ATXN7L1: variants seen among roughly 807,000 people sequenced by gnomAD.
ATXN7L1 encodes ataxin-7-like protein 1.
Under a neutral mutation model 70.8 loss-of-function variants are expected in ATXN7L1, and 15 were observed. The observed-to-expected ratio is 0.21, with a 90% CI of 0.14 to 0.33. The LOEUF (loss-of-function observed/expected upper bound fraction) is 0.33. Ranked by LOEUF, ATXN7L1 falls within the 10% of genes least tolerant of loss-of-function variation. The pLI is 1.00. For synonymous variants in ATXN7L1, 440 were observed against 445.1 expected, an observed-to-expected ratio of 0.99 and a Z score of 0.14; for missense variants, 975 against 1,097.1, an observed-to-expected ratio of 0.89 and a Z score of 1.57.
chr7:105,614,767 T>C lies in ATXN7L1; in HGVS notation c.1567A>G (p.Ile523Val), dbSNP rs1185901891. Residue 523 changes from isoleucine (I) to valine (V), a missense_variant, in exon 10 of 12, where the codon ATC becomes GTC. Ile to Val is a conservative substitution (Grantham distance 29). Transcript: ENST00000419735. This position sits in a 1 kb window ranked among gnomAD's most constrained non-coding sequence, Gnocchi z 4.3. Reference sequence around the variant, plus strand: ...ACGGATGCTGGAACGGGGGTGGTGATGTGGGCTGCTGGCGAGGGCAGGGGG... The same window carrying C: ...ACGGATGCTGGAACGGGGGTGGTGACGTGGGCTGCTGGCGAGGGCAGGGGG... ...DSPLPSPAAH[I>V]TTPVPASVLQ... The C allele has an allele frequency of 1.9e-6, 3 of 1,551,516 alleles. No individual in the cohort carries two copies. In the East Asian group the frequency reaches 7.3e-5, roughly 38 times the overall value.
At chr7:105,721,784 C>T (rs1795213862) in intron 3 of ATXN7L1, among the ~76,000 whole-genome samples, 1 of 152,236 alleles carries the variant, frequency 6.6e-6, no homozygotes, top group African/African-American at 2.4e-5. Flanking sequence ...CTCTGCTTTC[C>T]CTGCTGCCAG....
At chr7:105,615,927 A>G (rs1706896) in intron 9 of ATXN7L1, among the ~76,000 whole-genome samples, 60,846 of 151,948 alleles carry the variant, frequency 0.4, 13,034 homozygotes, top group East Asian at 0.56. Flanking sequence ...TCCTCCTTCC[A>G]TCCTACAGCC....
chr7:105,742,539 G>C (rs1389172730), intron 3 of ATXN7L1, among the ~76,000 whole-genome samples: 1 of 152,168 alleles, frequency 6.6e-6, no homozygotes, highest in East Asian at 1.9e-4. Context: ...GACACACAGA[G>C]GTAGAGCAAC....
intron 3 of ATXN7L1, among the ~76,000 whole-genome samples, chr7:105,786,241 C>G (rs537554870): frequency 6.6e-6 from 1 of 152,308 alleles, no homozygotes; most frequent in South Asian, 2.1e-4. Context: ...CCCAAACCCC[C>G]AAACTAATTT....
Position 105,784,958 on chromosome 7 carries a change from T to C in ATXN7L1, c.355+3646A>G, listed in dbSNP as rs1804080587. 2.0e-5 allele frequency among the ~76,000 whole-genome samples: 3 copies of C among 152,282 alleles called. No homozygotes were observed. In the South Asian group the frequency reaches 6.2e-4, roughly 32 times the overall value. On this transcript the variant is annotated intron_variant, in intron 3 of 11. Coordinates refer to ENST00000419735, the MANE Select transcript of ATXN7L1 (RefSeq NM_020725.2). ...TTGGACCCCTGCCCCAATTTTAACC[T>C]CAACAGCTCTGCTTCCCATATATAT...
chr7:105,694,871 A>G (rs1057470147), intron 3 of ATXN7L1, among the ~76,000 whole-genome samples: 1 of 152,244 alleles, frequency 6.6e-6, no homozygotes, highest in Non-Finnish European at 1.5e-5. Context: ...GCACAACCTC[A>G]GCCAGGCACG....
rs113810606 is a variant in ATXN7L1 at position 105,732,454 on chromosome 7, A to AT, written c.355+56149dup. On this transcript the variant is annotated intron_variant, in intron 3 of 11. Transcript: ENST00000419735. ...GATTACTAATGTATATGAATTATGG[A>AT]TTTTTTTTTCCCTTGGGAGAAGTTT... is the stretch of plus-strand genomic sequence containing the variant. Among the ~76,000 whole-genome samples the AT allele has an allele frequency of 5.2e-3, 789 of 151,744 alleles. 5 individuals are homozygous for AT. Among genetic ancestry groups the AT allele is most frequent in the African/African-American group, 0.017 (709 of 41,382 alleles).
intron 3 of ATXN7L1, among the ~76,000 whole-genome samples, chr7:105,674,171 C>T (rs1584666867): frequency 6.6e-6 from 1 of 152,222 alleles, no homozygotes; most frequent in African/African-American, 2.4e-5. Flanking sequence ...TGCTGGGCAA[C>T]ATGACCTATC....
intron 3 of ATXN7L1, among the ~76,000 whole-genome samples, chr7:105,704,270 A>T (rs1792846744): frequency 6.6e-6 from 1 of 152,216 alleles, no homozygotes; most frequent in Non-Finnish European, 1.5e-5. Context: ...AGCCTCATGA[A>T]GTGCCTGCCC....
intron 2 of ATXN7L1, among the ~76,000 whole-genome samples, chr7:105,849,919 T>C (rs1257186437): frequency 3.3e-5 from 5 of 152,264 alleles, no homozygotes; most frequent in African/African-American, 9.6e-5. Flanking sequence ...AATTTCATGC[T>C]TTATCTTAAA....
Position 105,813,086 on chromosome 7 carries a change from C to A in ATXN7L1, c.251-24378G>T, listed in dbSNP as rs113115939. Among the ~76,000 whole-genome samples the A allele has an allele frequency of 3.4e-3, 511 of 152,332 alleles. 2 individuals carry two copies. The highest frequency in any genetic ancestry group is 0.012 in the African/African-American group (496 of 41,566). On this transcript the variant is annotated intron_variant, in intron 2 of 11. Coordinates refer to ENST00000419735, the MANE Select transcript of ATXN7L1 (RefSeq NM_020725.2). Reference sequence around the variant, plus strand: ...CCTTGCTCTGACTTCTCCACAGATACCGCCTTTCAACTGTTATGAATTTAC... The same window carrying A: ...CCTTGCTCTGACTTCTCCACAGATAACGCCTTTCAACTGTTATGAATTTAC...
chr7:105,731,759 A>AAAAGAAAAGAAAAGAGAAAAGAAAAGG (rs1468962980), intron 3 of ATXN7L1, among the ~76,000 whole-genome samples: 1 of 144,754 alleles, frequency 6.9e-6, no homozygotes, highest in African/African-American at 2.6e-5. Flanking sequence ...AAAAGAAAAG[A>AAAAGAAAAGAAAAGAGAAAAGAAAAGG]AAAGAAAAGA....
intron 7 of ATXN7L1, among the ~76,000 whole-genome samples, chr7:105,629,840 C>T (rs1291946432): frequency 7.2e-6 from 1 of 139,414 alleles, no homozygotes; most frequent in Non-Finnish European, 1.5e-5. Flanking sequence ...TTTTTTGAGA[C>T]ACAGTCTCAC....
chr7:105,713,148 G>A (rs1247911904), intron 3 of ATXN7L1, among the ~76,000 whole-genome samples: 1 of 152,194 alleles, frequency 6.6e-6, no homozygotes, highest in Non-Finnish European at 1.5e-5. Context: ...CAGATCTTGT[G>A]AGAACTCACT....
intron 2 of ATXN7L1, among the ~76,000 whole-genome samples, chr7:105,821,677 G>A (rs1810185567): frequency 1.3e-5 from 2 of 152,250 alleles, no homozygotes; most frequent in Non-Finnish European, 1.5e-5. Flanking sequence ...CGCCATGATT[G>A]TGAGCAAGCT....
chr7:105,846,195 TCTTAAAA>T (rs1814014739), intron 2 of ATXN7L1, among the ~76,000 whole-genome samples: 1 of 152,160 alleles, frequency 6.6e-6, no homozygotes, highest in East Asian at 1.9e-4. Context: ...AATAAAGAAT[TCTTAAAA>T]CTTAAAGAGA....
chr7:105,643,711 G>A (rs907903815), intron 4 of ATXN7L1, among the ~76,000 whole-genome samples: 11 of 152,240 alleles, frequency 7.2e-5, no homozygotes, highest in African/African-American at 2.7e-4. Context: ...CAAATTGAGT[G>A]AGCCGCCATG....
chr7:105,836,938 A>C (rs1016539779), intron 2 of ATXN7L1, among the ~76,000 whole-genome samples: 1 of 152,086 alleles, frequency 6.6e-6, no homozygotes, highest in Non-Finnish European at 1.5e-5. Flanking sequence ...TGTGCCTGTA[A>C]TCCCAGCTAC....
chr7:105,619,139 A>ATTTTTTTTTT (rs1794365463), intron 9 of ATXN7L1, among the ~76,000 whole-genome samples: 37 of 23,554 alleles, frequency 1.6e-3, no homozygotes, highest in South Asian at 3.2e-3. Context: ...TGAAATCTTT[A>ATTTTTTTTTT]GTTTTTTTTT....
Sources: gnomAD v4.1 joint callset for allele counts (sites outside exome capture counted in the v4.1 genomes callset) on GRCh38, gnomAD v4.1.1 for gene constraint, Gnocchi (gnomAD v3.1) non-coding constraint, MANE v1.5 for transcripts, NCBI Gene and HGNC (gene_info 2026-07-23, HGNC 2026-07-21) for gene names.